CDH18: variants seen among roughly 807,000 people sequenced by gnomAD.
CDH18 encodes cadherin-18.
CDH18 carries 31 observed loss-of-function variants against 67.9 expected under a neutral mutation model. The ratio of observed to expected loss-of-function variants is 0.46; its 90% CI spans 0.34 to 0.62. The LOEUF (loss-of-function observed/expected upper bound fraction) is 0.62. CDH18 is among the 20% of genes least tolerant of loss of function. CDH18 has a pLI of 0.01. For synonymous variants in CDH18, 362 were observed against 347.2 expected, an observed-to-expected ratio of 1.04 and a Z score of -0.48; for missense variants, 890 against 975.5, an observed-to-expected ratio of 0.91 and a Z score of 1.17.
At chr5:19,531,642 C>A (rs1200061330) in intron 9 of CDH18, among the ~76,000 whole-genome samples, 1 of 150,150 alleles carries the variant, frequency 6.7e-6, no homozygotes, top group African/African-American at 2.5e-5. Flanking sequence ...CACACACAAA[C>A]AAAATTGGGC....
intron 1 of CDH18, among the ~76,000 whole-genome samples, chr5:20,492,421 C>A (rs982746696): frequency 2.0e-5 from 3 of 152,014 alleles, no homozygotes; most frequent in Non-Finnish European, 2.9e-5. Flanking sequence ...TATTTTTCAA[C>A]CAAAGCATTT....
rs1754228348 is a variant in CDH18 at position 20,501,232 on chromosome 5, A to G, written c.-580+74230T>C. The stretch of plus-strand genomic sequence containing the variant: ...AGCAACATGTAAAATTATTAAATGT[A>G]AATAACTGTGGAATTACTAAAAGCA... On this transcript the variant is annotated intron_variant, in intron 1 of 14. Transcript: ENST00000507958. Among the ~76,000 whole-genome samples the G allele has an allele frequency of 2.0e-5, 3 of 151,868 alleles. No individual in the cohort carries two copies. In the South Asian group the frequency reaches 6.2e-4, roughly 31 times the overall value.
rs76628055 is a variant in CDH18 at position 20,061,306 on chromosome 5, T to A, written c.-517-69292A>T. 0.022 allele frequency among the ~76,000 whole-genome samples: 3,306 copies of A among 152,124 alleles called. 216 individuals are homozygous for A. The East Asian group carries it at 0.27, about 12-fold the overall frequency. On this transcript the variant is annotated intron_variant, in intron 2 of 14. Transcript: ENST00000507958. The stretch of plus-strand genomic sequence containing the variant: ...AATAAATAATGAAAATAAATACATA[T>A]AAACACAATTAGAAATGAATATAAT...
intron 5 of CDH18, among the ~76,000 whole-genome samples, chr5:19,621,637 A>G (rs1476482442): frequency 6.6e-6 from 1 of 152,178 alleles, no homozygotes; most frequent in Non-Finnish European, 1.5e-5. Flanking sequence ...CACAGTGTCA[A>G]GAATAGAATA....
chr5:19,804,307 A>T (rs1348088796), intron 3 of CDH18, among the ~76,000 whole-genome samples: 2 of 149,430 alleles, frequency 1.3e-5, no homozygotes, highest in African/African-American at 2.5e-5. Flanking sequence ...ATCTCAAAAA[A>T]AAAAAAATAA....
chr5:19,855,334 G>A (rs1784154423), intron 2 of CDH18, among the ~76,000 whole-genome samples: 1 of 152,052 alleles, frequency 6.6e-6, no homozygotes, highest in African/African-American at 2.4e-5. Flanking sequence ...ATTTTTAAAT[G>A]AGATAAAATA....
chr5:20,275,533 A>C (rs574335929), intron 1 of CDH18, among the ~76,000 whole-genome samples: 1 of 152,330 alleles, frequency 6.6e-6, no homozygotes, highest in East Asian at 1.9e-4. Flanking sequence ...GCCACTTAAC[A>C]GTTGTATCAC....
At chr5:19,873,897 C>T (rs1410095814) in intron 2 of CDH18, among the ~76,000 whole-genome samples, 1 of 152,168 alleles carries the variant, frequency 6.6e-6, no homozygotes, top group East Asian at 1.9e-4. Context: ...ATCCGCCCAC[C>T]TCGGCCTCCC....
chr5:19,985,878 A>G (rs928988579), intron 1 of CDH18, among the ~76,000 whole-genome samples: 1 of 152,174 alleles, frequency 6.6e-6, no homozygotes, highest in African/African-American at 2.4e-5. Flanking sequence ...AATAAGTTCA[A>G]TATGTTTTAT....
At chr5:19,779,176 T>C (rs1024754934) in intron 3 of CDH18, among the ~76,000 whole-genome samples, 4 of 152,130 alleles carry the variant, frequency 2.6e-5, no homozygotes, top group Admixed American at 2.0e-4. Context: ...CTGATCGAGG[T>C]AGGACAACAA....
At chr5:19,564,031 C>T (rs969139509) in intron 8 of CDH18, among the ~76,000 whole-genome samples, 1 of 152,192 alleles carries the variant, frequency 6.6e-6, no homozygotes, top group Non-Finnish European at 1.5e-5. Context: ...AGCCTTTAGA[C>T]CAGCACAGGC....
rs2126492877 is a variant in CDH18, at chr5:19,473,554, G to A, written c.2045C>T (p.Ala682Val). Reference sequence around the variant, plus strand: ...ATCCCTCCGGTACTTGAGCTCCTCAGCAGCAGAAGGATTCCTCAAGGCTGT... The same window carrying A: ...ATCCCTCCGGTACTTGAGCTCCTCAACAGCAGAAGGATTCCTCAAGGCTGT... The part of the protein sequence containing the change: ...DITALRNPSA[A>V]EELKYRRDIR... Residue 682 changes from alanine to valine, a missense_variant, in exon 13 of 13, where the codon GCT (alanine) becomes GTT (valine). Coordinates refer to ENST00000382275, the MANE Select transcript of CDH18 (RefSeq NM_004934.5). The A allele has an allele frequency of 1.2e-6, 2 of 1,613,838 alleles. No individual in the cohort carries two copies. Among genetic ancestry groups the A allele is most frequent in the Non-Finnish European group, 1.7e-6 (2 of 1,179,848 alleles).
chr5:19,640,151 T>C lies in CDH18; in HGVS notation c.644-27550A>G, dbSNP rs141228551. Among the ~76,000 whole-genome samples the C allele has an allele frequency of 9.4e-4, 143 of 152,252 alleles. 1 individual carries two copies. The East Asian group carries it at 0.021, about 22-fold the overall frequency. ...TCAAGTTGTAACTAAAACATAAACA[T>C]ATGAAATAATATGAAAACAAACATT... On this transcript the variant is annotated intron_variant, in intron 5 of 12. Transcript: ENST00000382275.
intron 9 of CDH18, among the ~76,000 whole-genome samples, chr5:19,534,248 T>C (rs888497800): frequency 2.0e-5 from 3 of 152,052 alleles, no homozygotes; most frequent in Admixed American, 1.3e-4. Flanking sequence ...TATGGACAAA[T>C]TTCATGTATT....
intron 2 of CDH18, among the ~76,000 whole-genome samples, chr5:20,177,704 T>C (rs1226605732): frequency 1.3e-5 from 2 of 152,064 alleles, no homozygotes; most frequent in Non-Finnish European, 2.9e-5. Flanking sequence ...TGAATTCCCA[T>C]GTGTTGTTGG....
intron 1 of CDH18, among the ~76,000 whole-genome samples, chr5:20,426,382 GT>G (rs1371889786): frequency 6.6e-6 from 1 of 150,988 alleles, no homozygotes; most frequent in Non-Finnish European, 1.5e-5. Flanking sequence ...AATTATTGCA[GT>G]TTTTACTCTT....
intron 1 of CDH18, among the ~76,000 whole-genome samples, chr5:20,535,258 T>G (rs1279816830): frequency 6.6e-6 from 1 of 152,142 alleles, no homozygotes. Context: ...CTTAGGGTTG[T>G]TCCAGCTTTT....
chr5:19,869,823 C>T (rs1421078893), intron 2 of CDH18, among the ~76,000 whole-genome samples: 1 of 152,098 alleles, frequency 6.6e-6, no homozygotes, highest in Non-Finnish European at 1.5e-5. Context: ...GTTATACTAA[C>T]TCCCAAAATT....
intron 2 of CDH18, among the ~76,000 whole-genome samples, chr5:19,997,768 G>T (rs922837651): frequency 6.6e-5 from 10 of 152,110 alleles, no homozygotes; most frequent in African/African-American, 2.4e-4. Context: ...TACAGTGGAG[G>T]ATGCATAAAT....
Sources: gnomAD v4.1 joint callset for allele counts (sites outside exome capture counted in the v4.1 genomes callset) on GRCh38, gnomAD v4.1.1 for gene constraint, MANE v1.5 for transcripts, NCBI Gene and HGNC (gene_info 2026-07-23, HGNC 2026-07-21) for gene names.